Variants in RB1 observed in about 807,000 individuals in gnomAD.
RB1 encodes retinoblastoma-associated protein.
RB1 carries 18 observed loss-of-function variants against 135.4 expected under a neutral mutation model. That is an observed-to-expected ratio of 0.13 (90% confidence interval 0.09 to 0.20). The LOEUF (loss-of-function observed/expected upper bound fraction) is 0.20. RB1 is among the 10% of genes least tolerant of loss of function. The probability of loss-of-function intolerance (pLI) is 1.00; values close to 1 mark genes in which losing one functional copy is unlikely to be tolerated. For synonymous variants in RB1, 365 were observed against 373.2 expected (o/e 0.98, Z 0.25); for missense variants, 868 against 1,110.0 (o/e 0.78, Z 3.10).
At chr13:48,352,510 G>A (rs1340494817) in intron 6 of RB1, among the ~76,000 whole-genome samples, 2 of 151,956 alleles carry the variant, frequency 1.3e-5, no homozygotes, top group East Asian at 3.9e-4. Context: ...TTTTCCATGT[G>A]TTTGTGTCAT....
chr13:48,388,321 G>T (rs1335971548), intron 17 of RB1, among the ~76,000 whole-genome samples: 1 of 152,108 alleles, frequency 6.6e-6, no homozygotes. Context: ...GTTTGCTTGG[G>T]AAGATGAATT....
At chr13:48,322,271 A>G (rs541658929) in intron 2 of RB1, among the ~76,000 whole-genome samples, 2 of 152,268 alleles carry the variant, frequency 1.3e-5, no homozygotes, top group Non-Finnish European at 2.9e-5. Flanking sequence ...TCCATTGTTT[A>G]TATATACTAC....
intron 2 of RB1, chr13:48,328,564 TC>T: frequency 1.5e-6 from 1 of 683,366 alleles, no homozygotes; most frequent in East Asian, 2.7e-5. Context: ...ATCAGCCATT[TC>T]CCCCGCCGCA....
intron 23 of RB1, among the ~76,000 whole-genome samples, chr13:48,466,002 G>A (rs1232138748): frequency 1.4e-5 from 2 of 146,820 alleles, no homozygotes; most frequent in Non-Finnish European, 3.0e-5. Context: ...CCATTGCCCA[G>A]GCTTGCTTAG....
rs547160201 is a variant in RB1, at chr13:48,339,249, C to T, written c.265-3350C>T. Among the ~76,000 whole-genome samples, 472 of 152,292 alleles carry T rather than the reference C, an allele frequency of 3.1e-3. 1 individual carries two copies. The highest frequency in any genetic ancestry group is 0.011 in the African/African-American group (443 of 41,574). On this transcript the variant is annotated intron_variant, in intron 2 of 26. Coordinates refer to ENST00000267163, the MANE Select transcript of RB1 (RefSeq NM_000321.3). ...GCAGAGGTTTCTGCTGCCTTTTGTT[C>T]GGCTATGCCCTGCCCCCAGAGGTGG...
chr13:48,338,695 C>T (rs886372797), intron 2 of RB1, among the ~76,000 whole-genome samples: 3 of 152,252 alleles, frequency 2.0e-5, no homozygotes, highest in Non-Finnish European at 4.4e-5. Flanking sequence ...AGTCATTCTC[C>T]ATCCAGCTTT....
chr13:48,390,218 T>G (rs1948600605), intron 17 of RB1, among the ~76,000 whole-genome samples: 1 of 152,166 alleles, frequency 6.6e-6, no homozygotes, highest in Admixed American at 6.5e-5. Context: ...CATTAAATAA[T>G]TCATTCATTA....
rs141608408 is a variant in RB1 at position 48,380,210 on chromosome 13, C to T, written c.1467C>T (p.Cys489=). 2.7e-5 allele frequency: 43 copies of T among 1,603,876 alleles called. No homozygotes were observed. In the African/African-American group the frequency reaches 2.7e-4, roughly 10 times the overall value. Residue 489 remains cysteine, a synonymous_variant, in exon 16 of 27, where the codon TGC becomes TGT. Coordinates refer to ENST00000267163, the MANE Select transcript of RB1 (RefSeq NM_000321.3). The stretch of plus-strand genomic sequence containing the variant: ...TTTTTCATATGTCTTTATTGGCGTG[C>T]GCTCTTGAGGTTGTAATGGCCACAT... ...DNIFHMSLLA[C]ALEVVMATYS...
intron 17 of RB1, among the ~76,000 whole-genome samples, chr13:48,396,666 G>T (rs1948650915): frequency 6.6e-6 from 1 of 152,176 alleles, no homozygotes; most frequent in African/African-American, 2.4e-5. Context: ...TTAAACTAAA[G>T]AGCTTCTGCA....
intron 2 of RB1, among the ~76,000 whole-genome samples, chr13:48,323,875 G>A (rs1185131523): frequency 1.3e-5 from 2 of 151,926 alleles, no homozygotes; most frequent in African/African-American, 4.8e-5. Flanking sequence ...TGTTTTAACT[G>A]CCAGCTTTCA....
chr13:48,473,339 T>A, intron 23 of RB1, 21 bp from the exon 24 acceptor site: 1 of 1,555,976 alleles, frequency 6.4e-7, no homozygotes, highest in South Asian at 1.1e-5. Context: ...TACTAATTGG[T>A]ATTTCATCTT....
chr13:48,397,515 G>A (rs1948658025), intron 17 of RB1, among the ~76,000 whole-genome samples: 1 of 152,074 alleles, frequency 6.6e-6, no homozygotes, highest in Non-Finnish European at 1.5e-5. Flanking sequence ...CTAAGGGAGG[G>A]ATAGCATTAG....
At chr13:48,384,156 G>A (rs1948556129) in intron 17 of RB1, among the ~76,000 whole-genome samples, 1 of 152,056 alleles carries the variant, frequency 6.6e-6, no homozygotes, top group Admixed American at 6.6e-5. Context: ...CTGGAAAAGA[G>A]TATGATTGAT....
At chr13:48,390,393 T>G (rs1948601678) in intron 17 of RB1, among the ~76,000 whole-genome samples, 1 of 152,112 alleles carries the variant, frequency 6.6e-6, no homozygotes, top group Non-Finnish European at 1.5e-5. Context: ...GAAATGATCT[T>G]GGGAGTGCAT....
Position 48,476,834 on chromosome 13 carries a change from C to A in RB1, c.2654C>A (p.Ala885Glu), listed in dbSNP as rs758494086. Residue 885 changes from alanine to glutamate, a missense_variant, in exon 25 of 27, where the codon GCA (alanine) becomes GAA (glutamate). By Grantham distance (107) the Ala-to-Glu change is moderately radical. Transcript: ENST00000267163. Reference sequence around the variant, plus strand: ...TTTGATATTGAAGGATCAGATGAAGCAGATGGAAGGTAGGAACCAGTTTTG... The same window carrying A: ...TTTGATATTGAAGGATCAGATGAAGAAGATGGAAGGTAGGAACCAGTTTTG... ...LRFDIEGSDE[A>E]DGSKHLPGES... 1 of 1,613,528 alleles carries A rather than the reference C, an allele frequency of 6.2e-7. No individual in the cohort carries two copies. Among genetic ancestry groups the A allele is most frequent in the Non-Finnish European group, 8.5e-7 (1 of 1,179,564 alleles).
At chr13:48,453,255 G>A (rs1470264022) in intron 18 of RB1, 144 bp downstream of exon 18, 1 of 846,162 alleles carries the variant, frequency 1.2e-6, no homozygotes, top group East Asian at 2.7e-5. Context: ...AGTAATAAAA[G>A]GTACATGACC....
rs768813720 is a variant in RB1 at position 48,359,985 on chromosome 13, ACTTT to A, written c.608-27_608-24del. ...TCTCATACAAAGATCTGAATCTCTA[ACTTT>A]CTTTAAAAATGTACATTTTTTTTTC... On this transcript the variant is annotated intron_variant, in intron 6 of 26. Transcript: ENST00000267163. 6.1e-5 allele frequency: 98 copies of A among 1,608,472 alleles called. No homozygotes were observed. In the African/African-American group the frequency reaches 9.1e-4, roughly 15 times the overall value.
chr13:48,457,216 G>C lies in RB1; in HGVS notation c.1960+867G>C, dbSNP rs557659025. On this transcript the variant is annotated intron_variant, in intron 19 of 26. Coordinates refer to ENST00000267163, the MANE Select transcript of RB1 (RefSeq NM_000321.3). ...CTCTGTAACCACAAAGTCCCGATGA[G>C]TGTTCAGCTCCTAGCAGAGAAGGTA... Among the ~76,000 whole-genome samples the C allele has an allele frequency of 6.6e-5, 10 of 152,308 alleles. No homozygotes were observed. In the East Asian group the frequency reaches 1.9e-3, roughly 29 times the overall value.
rs529521053 is a variant in RB1, at chr13:48,370,236, C to T, written c.1127+1632C>T. ...GTAAGTGGAGAAAACCCTGCTGTCA[C>T]ACCACCGACAACAATCAACACAGAA... On this transcript the variant is annotated intron_variant, in intron 11 of 26. Transcript: ENST00000267163. Among the ~76,000 whole-genome samples the T allele has an allele frequency of 1.6e-3, 236 of 152,232 alleles. 1 individual carries two copies. The highest frequency in any genetic ancestry group is 5.3e-3 in the African/African-American group (222 of 41,518).
Sources: allele counts gnomAD v4.1 joint callset (sites outside exome capture counted in the v4.1 genomes callset), GRCh38; gene constraint gnomAD v4.1.1; transcripts MANE v1.5; gene names NCBI Gene and HGNC (gene_info 2026-07-23, HGNC 2026-07-21).